Variants in NCS1 observed in about 807,000 individuals in gnomAD.
NCS1 encodes the protein neuronal calcium sensor 1.
A neutral mutation model predicts 28.4 loss-of-function variants in NCS1; 6 were observed. That is an observed-to-expected ratio of 0.21 (90% CI 0.12 to 0.42). NCS1 has a LOEUF of 0.42. Among genes scored for constraint, NCS1 ranks in the 10% least tolerant of loss-of-function variants. The pLI, the probability that NCS1 is intolerant of heterozygous loss-of-function variation, is 1.00. For missense variants in NCS1, 131 were observed against 241.4 expected, an observed-to-expected ratio of 0.54 and a Z score of 3.03; for synonymous variants, 86 against 99.3, an observed-to-expected ratio of 0.87 and a Z score of 0.79.
intron 2 of NCS1, among the ~76,000 whole-genome samples, chr9:130,210,930 T>C (rs1409397120): frequency 1.3e-5 from 2 of 151,200 alleles, no homozygotes; most frequent in Non-Finnish European, 2.9e-5. Context: ...CCTCAAACTT[T>C]TGGGCTCAAG....
chr9:130,204,265 G>A (rs1256122656), intron 2 of NCS1, among the ~76,000 whole-genome samples: 3 of 151,860 alleles, frequency 2.0e-5, no homozygotes, highest in African/African-American at 7.3e-5. Flanking sequence ...CCAAAATGCT[G>A]GGATTACATA....
intron 4 of NCS1, among the ~76,000 whole-genome samples, chr9:130,221,413 T>TAGAGAGAGAG (rs782666520): frequency 2.6e-4 from 15 of 57,722 alleles, no homozygotes; most frequent in African/African-American, 6.4e-4. Context: ...TATATATATA[T>TAGAGAGAGAG]AGAGAGAGAG....
Position 130,181,471 on chromosome 9 carries a change from C to T in NCS1, c.64+8744C>T, listed in dbSNP as rs76326747. Among the ~76,000 whole-genome samples the T allele has an allele frequency of 4.6e-3, 705 of 151,756 alleles. 1 individual carries two copies. Among genetic ancestry groups the T allele is most frequent in the Middle Eastern group, 6.8e-3 (2 of 294 alleles). ...GACCCAGGCCTGTCCTTGGTGTTCA[C>T]GTGTGTTCCTCACCAATTCCACCCA... On this transcript the variant is annotated intron_variant, in intron 1 of 7. Coordinates refer to ENST00000372398, the MANE Select transcript of NCS1 (RefSeq NM_014286.4). This position sits in a 1 kb window ranked among gnomAD's most constrained non-coding sequence, Gnocchi z 5.0.
chr9:130,211,632 C>G (rs782452498), intron 2 of NCS1, among the ~76,000 whole-genome samples: 1 of 152,040 alleles, frequency 6.6e-6, no homozygotes, highest in African/African-American at 2.4e-5. Flanking sequence ...CCCTCTCTCC[C>G]CTTCCTGGTA....
At chr9:130,183,307 G>GT (rs1226945854) in intron 1 of NCS1, among the ~76,000 whole-genome samples, 5 of 116,882 alleles carry the variant, frequency 4.3e-5, no homozygotes, top group Admixed American at 1.7e-4. Context: ...CCATGCGGCT[G>GT]GGGGGGGGAG....
intron 7 of NCS1, among the ~76,000 whole-genome samples, chr9:130,230,750 C>G (rs1012216408): frequency 2.6e-5 from 4 of 151,816 alleles, no homozygotes; most frequent in Non-Finnish European, 5.9e-5. Context: ...ACTCATCACT[C>G]AGCTTCCGAA....
chr9:130,180,507 CAG>C lies in NCS1; in HGVS notation c.64+7785_64+7786del, dbSNP rs1310860692. ...TCTGTGTGTGATCTATTTTGCAGGG[CAG>C]AGAGTGTCAGAGATTACGTTGCGGC... On this transcript the variant is annotated intron_variant, in intron 1 of 7. Transcript: ENST00000372398. The surrounding 1 kb of genome is among the most constrained non-coding windows in gnomAD (Gnocchi z 4.5). 2.0e-5 allele frequency among the ~76,000 whole-genome samples: 3 copies of C among 152,278 alleles called. No homozygotes were observed. Among genetic ancestry groups the C allele is most frequent in the Middle Eastern group, 3.4e-3 (1 of 294 alleles).
intron 6 of NCS1, among the ~76,000 whole-genome samples, chr9:130,225,204 G>T (rs1188724967): frequency 6.6e-6 from 1 of 152,156 alleles, no homozygotes; most frequent in African/African-American, 2.4e-5. Flanking sequence ...TCAATCAATC[G>T]ATCAGTCAAT....
chr9:130,214,355 C>A (rs1239767246), intron 2 of NCS1, among the ~76,000 whole-genome samples: 1 of 152,188 alleles, frequency 6.6e-6, no homozygotes, highest in African/African-American at 2.4e-5. Flanking sequence ...GAAGGCTTCA[C>A]TGGGGACTCT....
rs1832820916 is a variant in NCS1 at position 130,191,891 on chromosome 9, G to T, written c.65-9067G>T. On this transcript the variant is annotated intron_variant, in intron 1 of 7. Transcript: ENST00000372398. This position sits in a 1 kb window ranked among gnomAD's most constrained non-coding sequence, Gnocchi z 6.4. ...CCTGGCTGGCACTCAGCGAACTGGG[G>T]TGGAGACAGTGACTGCCAAGGAGGC... Among the ~76,000 whole-genome samples the T allele has an allele frequency of 1.3e-5, 2 of 152,228 alleles. No individual in the cohort carries two copies. The highest frequency in any genetic ancestry group is 2.9e-5 in the Non-Finnish European group (2 of 68,044).
chr9:130,190,065 A>AGT (rs61046186), intron 1 of NCS1, among the ~76,000 whole-genome samples: 1 of 146,540 alleles, frequency 6.8e-6, no homozygotes, highest in African/African-American at 2.6e-5. Context: ...AGAGAGAGAG[A>AGT]ATATATGTGG....
At chr9:130,210,182 T>C (rs1782430116) in intron 2 of NCS1, among the ~76,000 whole-genome samples, 1 of 151,938 alleles carries the variant, frequency 6.6e-6, no homozygotes. Flanking sequence ...GGCCAGATCA[T>C]GAGGTCAGGA....
At position 130,192,637 on chromosome 9, in the gene NCS1, T is replaced by C. The variant is rs1186972834; in HGVS notation, c.65-8321T>C. Among the ~76,000 whole-genome samples, 2 of 152,062 alleles carry C rather than the reference T, an allele frequency of 1.3e-5. No homozygotes were observed. The highest frequency in any genetic ancestry group is 2.9e-5 in the Non-Finnish European group (2 of 67,994). On this transcript the variant is annotated intron_variant, in intron 1 of 7. Coordinates refer to ENST00000372398, the MANE Select transcript of NCS1 (RefSeq NM_014286.4). This position sits in a 1 kb window ranked among gnomAD's most constrained non-coding sequence, Gnocchi z 4.8. Reference sequence around the variant, plus strand: ...GCAAAGGTGGGCAGCCAGGACTCCCTGCCCACCCAGGAACACCAGCATATA... The same window carrying C: ...GCAAAGGTGGGCAGCCAGGACTCCCCGCCCACCCAGGAACACCAGCATATA...
rs201620157 is a variant in NCS1 at position 130,222,618 on chromosome 9, C to A, written c.308-32C>A. ...AAGACCCCTCCCCACTGCCCCAGCCCAGGATCACTCAGCAGTGCTGCTTGC... is the reference window on the plus strand; with the variant it reads ...AAGACCCCTCCCCACTGCCCCAGCCAAGGATCACTCAGCAGTGCTGCTTGC... On this transcript the variant is annotated intron_variant, in intron 4 of 7. Transcript: ENST00000372398. 7.4e-5 allele frequency: 119 copies of A among 1,604,696 alleles called. No homozygotes were observed. The African/African-American group carries it at 1.3e-3, about 17-fold the overall frequency.
chr9:130,202,406 C>G (rs567274702), intron 2 of NCS1, among the ~76,000 whole-genome samples: 2 of 147,864 alleles, frequency 1.4e-5, no homozygotes, highest in East Asian at 4.2e-4. Context: ...CCTGTGCCTC[C>G]CTGGGACAGC....
At position 130,180,054 on chromosome 9, in the gene NCS1, G is replaced by A. The variant is rs1588107682; in HGVS notation, c.64+7327G>A. Among the ~76,000 whole-genome samples the A allele has an allele frequency of 6.7e-6, 1 of 150,042 alleles. No individual in the cohort carries two copies. Among genetic ancestry groups the A allele is most frequent in the East Asian group, 2.0e-4 (1 of 5,112 alleles). On this transcript the variant is annotated intron_variant, in intron 1 of 7. Coordinates refer to ENST00000372398, the MANE Select transcript of NCS1 (RefSeq NM_014286.4). This position sits in a 1 kb window ranked among gnomAD's most constrained non-coding sequence, Gnocchi z 4.5. ...ATCTATCTATCTATCTATCTATCGA[G>A]ATGGAATCTCACTTCCGTCACCCAG... is the stretch of plus-strand genomic sequence containing the variant.
chr9:130,207,642 C>T (rs1554908261), intron 2 of NCS1, among the ~76,000 whole-genome samples: 2 of 152,246 alleles, frequency 1.3e-5, no homozygotes, highest in African/African-American at 4.8e-5. Flanking sequence ...TCAGTAGAAG[C>T]AGAGCCTGGA....
At position 130,180,446 on chromosome 9, in the gene NCS1, CATT is replaced by C. The variant is rs1832638352; in HGVS notation, c.64+7722_64+7724del. On this transcript the variant is annotated intron_variant, in intron 1 of 7. Transcript: ENST00000372398. The surrounding 1 kb of genome is among the most constrained non-coding windows in gnomAD (Gnocchi z 4.5). Reference sequence around the variant, plus strand: ...CAATATAAATTAAAAAGCACATCATCATTATGGTCATAACAAGATGAATCAATT... The same window carrying C: ...CAATATAAATTAAAAAGCACATCATCATGGTCATAACAAGATGAATCAATT... Among the ~76,000 whole-genome samples the C allele has an allele frequency of 6.6e-6, 1 of 152,188 alleles. No individual in the cohort carries two copies. The highest frequency in any genetic ancestry group is 1.5e-5 in the Non-Finnish European group (1 of 68,038).
At chr9:130,224,187 G>A (rs1208302767) in intron 6 of NCS1, among the ~76,000 whole-genome samples, 34 of 148,058 alleles carry the variant, frequency 2.3e-4, no homozygotes, top group African/African-American at 7.9e-4. Flanking sequence ...AGGTGTGGTG[G>A]CTCACACCTG....
Sources: allele counts gnomAD v4.1 joint callset (sites outside exome capture counted in the v4.1 genomes callset), GRCh38; gene constraint gnomAD v4.1.1; non-coding constraint Gnocchi (gnomAD v3.1); transcripts MANE v1.5; gene names NCBI Gene and HGNC (gene_info 2026-07-23, HGNC 2026-07-21).